XKR4: variants seen among roughly 807,000 people sequenced by gnomAD.
XKR4 encodes the protein XK related 4.
A neutral mutation model predicts 53.9 loss-of-function variants in XKR4; 12 were observed. The observed-to-expected ratio is 0.22, with a 90% CI of 0.14 to 0.36. The LOEUF is 0.36. Ranked by LOEUF, XKR4 falls within the 10% of genes least tolerant of loss-of-function variation. XKR4 has a pLI of 1.00. For synonymous variants in XKR4, 354 were observed against 362.4 expected (o/e 0.98, Z 0.26); for missense variants, 799 against 859.5 (o/e 0.93, Z 0.88).
intron 1 of XKR4, among the ~76,000 whole-genome samples, chr8:55,148,281 T>A (rs1290792172): frequency 6.6e-6 from 1 of 152,178 alleles, no homozygotes; most frequent in Non-Finnish European, 1.5e-5. Context: ...GGTGCACACC[T>A]GTAGTCCCAG....
chr8:55,316,198 C>T (rs1465524528), intron 1 of XKR4, among the ~76,000 whole-genome samples: 1 of 152,194 alleles, frequency 6.6e-6, no homozygotes, highest in Non-Finnish European at 1.5e-5. Context: ...AGCACGTTCA[C>T]AGCCATTTTA....
intron 2 of XKR4, among the ~76,000 whole-genome samples, chr8:55,447,812 C>T (rs1805368796): frequency 6.6e-6 from 1 of 152,180 alleles, no homozygotes; most frequent in Non-Finnish European, 1.5e-5. Context: ...CCTTTTCTTT[C>T]TAGCTGAAGA....
chr8:55,347,820 G>T (rs956282774), intron 1 of XKR4, among the ~76,000 whole-genome samples: 1 of 152,178 alleles, frequency 6.6e-6, no homozygotes, highest in Non-Finnish European at 1.5e-5. Flanking sequence ...ATACTCTGTG[G>T]TAGTTATGCT....
At chr8:55,185,516 A>G (rs1377528113) in intron 1 of XKR4, among the ~76,000 whole-genome samples, 1 of 152,222 alleles carries the variant, frequency 6.6e-6, no homozygotes, top group East Asian at 1.9e-4. Context: ...GGAGCTAATA[A>G]AAGGCCTTCT....
At chr8:55,240,392 T>C (rs1818195606) in intron 1 of XKR4, among the ~76,000 whole-genome samples, 1 of 152,192 alleles carries the variant, frequency 6.6e-6, no homozygotes, top group Non-Finnish European at 1.5e-5. Context: ...AAAATACATT[T>C]ACAGACATAA....
At chr8:55,360,401 G>A (rs977474605) in intron 2 of XKR4, among the ~76,000 whole-genome samples, 7 of 152,132 alleles carry the variant, frequency 4.6e-5, no homozygotes, top group African/African-American at 1.7e-4. Flanking sequence ...TTAAATTGAT[G>A]TGAGTTCTAA....
chr8:55,210,347 G>T (rs896704589), intron 1 of XKR4, among the ~76,000 whole-genome samples: 2 of 152,032 alleles, frequency 1.3e-5, no homozygotes, highest in South Asian at 4.1e-4. Context: ...GCCTCCCAAA[G>T]TTCTGGAATT....
intron 2 of XKR4, among the ~76,000 whole-genome samples, chr8:55,506,439 C>A (rs780695347): frequency 6.6e-6 from 1 of 152,206 alleles, no homozygotes; most frequent in African/African-American, 2.4e-5. Context: ...TCAGTCACTA[C>A]CCCCAGCAGC....
intron 1 of XKR4, among the ~76,000 whole-genome samples, chr8:55,147,127 C>T (rs891132745): frequency 1.3e-5 from 2 of 152,152 alleles, no homozygotes; most frequent in Non-Finnish European, 2.9e-5. Context: ...TCTTTAAAGT[C>T]AAGCATTTGT....
intron 2 of XKR4, among the ~76,000 whole-genome samples, chr8:55,378,064 T>C (rs1804176101): frequency 6.6e-6 from 1 of 152,190 alleles, no homozygotes; most frequent in African/African-American, 2.4e-5. Context: ...AGTACAAATG[T>C]TTTTGTTTGT....
chr8:55,455,829 C>T (rs771890094), intron 2 of XKR4, among the ~76,000 whole-genome samples: 1 of 152,168 alleles, frequency 6.6e-6, no homozygotes, highest in Non-Finnish European at 1.5e-5. Flanking sequence ...GATCAGTCAT[C>T]AGGAGGTAGG....
At chr8:55,331,429 G>A (rs553196587) in intron 1 of XKR4, among the ~76,000 whole-genome samples, 19 of 152,260 alleles carry the variant, frequency 1.2e-4, no homozygotes, top group African/African-American at 2.2e-4. Flanking sequence ...GTATTCTACC[G>A]TTGTTGGGTG....
At chr8:55,430,324 T>C (rs1422351594) in intron 2 of XKR4, among the ~76,000 whole-genome samples, 1 of 152,176 alleles carries the variant, frequency 6.6e-6, no homozygotes, top group East Asian at 1.9e-4. Flanking sequence ...AAATTAAAAA[T>C]ATGTCCACAC....
chr8:55,105,440 A>G (rs1047453095), intron 1 of XKR4, among the ~76,000 whole-genome samples: 2 of 152,160 alleles, frequency 1.3e-5, no homozygotes, highest in East Asian at 3.8e-4. Context: ...GTATTAACTG[A>G]CCCAGACTTG....
chr8:55,484,050 C>T (rs1354478788), intron 2 of XKR4, among the ~76,000 whole-genome samples: 1 of 152,072 alleles, frequency 6.6e-6, no homozygotes, highest in Non-Finnish European at 1.5e-5. Context: ...CAAGAGAATA[C>T]CAGGAATAAC....
chr8:55,259,156 C>A (rs577785415), intron 1 of XKR4, among the ~76,000 whole-genome samples: 1 of 152,308 alleles, frequency 6.6e-6, no homozygotes, highest in East Asian at 1.9e-4. Context: ...CACTGCAGAT[C>A]ATAGCACCGG....
chr8:55,416,790 C>A (rs922964042), intron 2 of XKR4, among the ~76,000 whole-genome samples: 1 of 152,128 alleles, frequency 6.6e-6, no homozygotes, highest in South Asian at 2.1e-4. Flanking sequence ...GATACCACAG[C>A]GATTCTCTAT....
chr8:55,218,088 C>T (rs1046559092), intron 1 of XKR4, among the ~76,000 whole-genome samples: 2 of 152,170 alleles, frequency 1.3e-5, no homozygotes, highest in African/African-American at 4.8e-5. Flanking sequence ...CAGCATTCAA[C>T]AAATGTTATC....
intron 1 of XKR4, among the ~76,000 whole-genome samples, chr8:55,289,702 A>G (rs1277266569): frequency 3.8e-5 from 5 of 132,548 alleles, no homozygotes; most frequent in African/African-American, 1.3e-4. Context: ...AAAGAGAAAG[A>G]AAGAAAGAAA....
Sources: allele counts gnomAD v4.1 joint callset (sites outside exome capture counted in the v4.1 genomes callset), GRCh38; gene constraint gnomAD v4.1.1; transcripts MANE v1.5; gene names NCBI Gene and HGNC (gene_info 2026-07-23, HGNC 2026-07-21).